Variants in SPAG16 observed in about 807,000 individuals in gnomAD.
SPAG16 encodes sperm-associated antigen 16 protein.
Under a neutral mutation model 80.4 loss-of-function variants are expected in SPAG16, and 86 were observed. The observed-to-expected ratio is 1.07, with a 90% CI of 0.90 to 1.28. SPAG16 has a LOEUF of 1.28. SPAG16 is among the 50% of genes most tolerant of loss of function. The pLI is 0.00. For missense variants in SPAG16, 870 were observed against 765.3 expected (o/e 1.14, Z -1.61); for synonymous variants, 294 against 265.9 (o/e 1.11, Z -1.03).
chr2:213,593,542 G>A (rs1472347757), intron 10 of SPAG16, among the ~76,000 whole-genome samples: 1 of 151,836 alleles, frequency 6.6e-6, no homozygotes, highest in African/African-American at 2.4e-5. Flanking sequence ...AATGTGGTTT[G>A]TATTATTTAT....
intron 10 of SPAG16, among the ~76,000 whole-genome samples, chr2:213,509,783 C>A (rs533330677): frequency 2.3e-4 from 35 of 152,252 alleles, no homozygotes; most frequent in Non-Finnish European, 4.7e-4. Flanking sequence ...CGAACACATT[C>A]AAAAACTAGC....
At chr2:214,145,676 C>A (rs1307816361) in intron 14 of SPAG16, among the ~76,000 whole-genome samples, 1 of 152,176 alleles carries the variant, frequency 6.6e-6, no homozygotes, top group East Asian at 1.9e-4. Context: ...TTCATCTCAG[C>A]TGTACCCTTT....
intron 10 of SPAG16, among the ~76,000 whole-genome samples, chr2:213,739,239 C>A (rs189105194): frequency 6.6e-6 from 1 of 152,058 alleles, no homozygotes; most frequent in African/African-American, 2.4e-5. Context: ...TTAATTTGGC[C>A]CCCTATTACT....
At chr2:213,332,841 T>C (rs2064168197) in intron 5 of SPAG16, among the ~76,000 whole-genome samples, 1 of 151,994 alleles carries the variant, frequency 6.6e-6, no homozygotes, top group South Asian at 2.1e-4. Flanking sequence ...TGATAAAAAC[T>C]CTCAAAAAAT....
At chr2:213,626,378 A>C (rs1024177049) in intron 10 of SPAG16, among the ~76,000 whole-genome samples, 4 of 152,182 alleles carry the variant, frequency 2.6e-5, no homozygotes, top group Non-Finnish European at 5.9e-5. Flanking sequence ...TTAGGGGAAA[A>C]AAATAGCTGC....
chr2:213,520,275 T>C (rs951965572), intron 10 of SPAG16, among the ~76,000 whole-genome samples: 2 of 152,126 alleles, frequency 1.3e-5, no homozygotes, highest in African/African-American at 2.4e-5. Flanking sequence ...TTCAGACTTA[T>C]GGCCTCCAGA....
chr2:214,127,241 T>A (rs1176587994), intron 14 of SPAG16, among the ~76,000 whole-genome samples: 3 of 151,762 alleles, frequency 2.0e-5, no homozygotes, highest in Non-Finnish European at 4.4e-5. Flanking sequence ...ATTAATGAAA[T>A]TAAGTGTCTG....
chr2:213,854,690 T>C (rs2075069322), intron 10 of SPAG16, among the ~76,000 whole-genome samples: 1 of 152,220 alleles, frequency 6.6e-6, no homozygotes, highest in African/African-American at 2.4e-5. Context: ...TTTCTTCAGG[T>C]GAGGTACCTG....
intron 9 of SPAG16, among the ~76,000 whole-genome samples, chr2:213,405,309 G>A (rs545396532): frequency 1.6e-3 from 240 of 152,028 alleles, no homozygotes; most frequent in African/African-American, 5.6e-3. Flanking sequence ...AATCCATGGA[G>A]GAAAATTATA....
intron 10 of SPAG16, among the ~76,000 whole-genome samples, chr2:213,749,101 C>T (rs13412855): frequency 3.3e-5 from 5 of 151,986 alleles, no homozygotes; most frequent in African/African-American, 9.7e-5. Flanking sequence ...GAGCCGAGAT[C>T]GCGCCACTGT....
intron 9 of SPAG16, among the ~76,000 whole-genome samples, chr2:213,473,976 G>A (rs1175558208): frequency 6.6e-6 from 1 of 152,272 alleles, no homozygotes. Flanking sequence ...AACTGCCTCA[G>A]GGGAAGTCAT....
intron 11 of SPAG16, among the ~76,000 whole-genome samples, chr2:213,888,289 T>A (rs1018357089): frequency 4.6e-5 from 7 of 151,910 alleles, no homozygotes; most frequent in Non-Finnish European, 1.0e-4. Flanking sequence ...TTATATTTTC[T>A]GACAAAGCTC....
chr2:214,095,173 C>A (rs1473956917), intron 13 of SPAG16, among the ~76,000 whole-genome samples: 1 of 152,058 alleles, frequency 6.6e-6, no homozygotes, highest in Non-Finnish European at 1.5e-5. Context: ...TAGCGTTTAT[C>A]AAAGTCCCTA....
chr2:213,566,488 A>C (rs1280090777), intron 10 of SPAG16, among the ~76,000 whole-genome samples: 1 of 152,174 alleles, frequency 6.6e-6, no homozygotes, highest in Non-Finnish European at 1.5e-5. Flanking sequence ...AGGATCTTTT[A>C]ATTACTTTAA....
intron 13 of SPAG16, among the ~76,000 whole-genome samples, chr2:214,098,279 A>G (rs1176737595): frequency 6.6e-6 from 1 of 152,106 alleles, no homozygotes; most frequent in Non-Finnish European, 1.5e-5. Context: ...TAGAATAAAG[A>G]TATCTGTAGC....
intron 15 of SPAG16, among the ~76,000 whole-genome samples, chr2:214,250,479 C>T (rs144243018): frequency 0.014 from 2,054 of 150,678 alleles, 45 homozygotes; most frequent in Admixed American, 0.057. Flanking sequence ...CAAACCTAAT[C>T]ATATTGAATA....
At chr2:213,406,045 G>A (rs553768874) in intron 9 of SPAG16, among the ~76,000 whole-genome samples, 1 of 152,186 alleles carries the variant, frequency 6.6e-6, no homozygotes, top group Non-Finnish European at 1.5e-5. Context: ...TCAAAAGTGA[G>A]GTTGCCTTAG....
intron 10 of SPAG16, among the ~76,000 whole-genome samples, chr2:213,729,839 C>T (rs1305355540): frequency 6.6e-6 from 1 of 152,108 alleles, no homozygotes; most frequent in African/African-American, 2.4e-5. Context: ...CTCTTTAGGC[C>T]TTGGTGAGAA....
At chr2:213,868,733 T>G (rs2075809552) in intron 11 of SPAG16, among the ~76,000 whole-genome samples, 2 of 152,144 alleles carry the variant, frequency 1.3e-5, no homozygotes, top group African/African-American at 4.8e-5. Flanking sequence ...GTGCCACATT[T>G]TATCCTGAGT....
Sources: gnomAD v4.1 joint callset for allele counts (sites outside exome capture counted in the v4.1 genomes callset) on GRCh38, gnomAD v4.1.1 for gene constraint, MANE v1.5 for transcripts, NCBI Gene and HGNC (gene_info 2026-07-23, HGNC 2026-07-21) for gene names.